Variants in PLXDC2 observed in about 807,000 individuals in gnomAD.
The protein encoded by PLXDC2 is plexin domain containing 2.
Under a neutral mutation model 68.9 loss-of-function variants are expected in PLXDC2, and 40 were observed. The observed-to-expected ratio is 0.58, with a 90% CI of 0.45 to 0.76. The LOEUF (loss-of-function observed/expected upper bound fraction) is 0.76. Among genes scored for constraint, PLXDC2 ranks in the 30% least tolerant of loss-of-function variants. The pLI, the probability that PLXDC2 is intolerant of heterozygous loss-of-function variation, is 0.00. For synonymous variants in PLXDC2, 243 were observed against 234.2 expected, an observed-to-expected ratio of 1.04 and a Z score of -0.34; for missense variants, 644 against 661.9, an observed-to-expected ratio of 0.97 and a Z score of 0.30.
chr10:20,044,293 C>CTTTCTTTCT (rs1412550830), intron 2 of PLXDC2, among the ~76,000 whole-genome samples: 2 of 67,118 alleles, frequency 3.0e-5, no homozygotes, highest in Non-Finnish European at 6.0e-5. Flanking sequence ...TTCTTTCTTT[C>CTTTCTTTCT]TTCTTTCTCT....
intron 1 of PLXDC2, among the ~76,000 whole-genome samples, chr10:19,853,857 C>T (rs552052459): frequency 2.6e-5 from 4 of 152,302 alleles, no homozygotes; most frequent in African/African-American, 9.6e-5. Context: ...TTTCTGGCTT[C>T]TCCCATCTTT....
chr10:19,879,796 G>C (rs1422496793), intron 1 of PLXDC2, among the ~76,000 whole-genome samples: 2 of 152,148 alleles, frequency 1.3e-5, no homozygotes, highest in Non-Finnish European at 2.9e-5. Context: ...GTGTAAGATT[G>C]TGGCTGGTCA....
intron 1 of PLXDC2, among the ~76,000 whole-genome samples, chr10:19,925,293 G>A (rs1833522439): frequency 6.6e-6 from 1 of 152,178 alleles, no homozygotes; most frequent in Non-Finnish European, 1.5e-5. Flanking sequence ...CACTGTAGCA[G>A]CCAAGCAATT....
chr10:20,020,351 A>G (rs1262147520), intron 2 of PLXDC2, among the ~76,000 whole-genome samples: 1 of 151,958 alleles, frequency 6.6e-6, no homozygotes, highest in Non-Finnish European at 1.5e-5. Context: ...ATAGCCGACA[A>G]TACCAGACTC....
intron 1 of PLXDC2, among the ~76,000 whole-genome samples, chr10:19,915,223 G>A (rs1338569946): frequency 2.0e-5 from 3 of 151,986 alleles, no homozygotes; most frequent in Non-Finnish European, 4.4e-5. Flanking sequence ...GCTTTCCTGT[G>A]AGTGATTTGA....
intron 4 of PLXDC2, among the ~76,000 whole-genome samples, chr10:20,081,890 A>T (rs549161521): frequency 2.0e-5 from 3 of 151,788 alleles, no homozygotes; most frequent in South Asian, 2.1e-4. Context: ...AAAAAATTTT[A>T]AAAAATTAGC....
Position 19,836,565 on chromosome 10 carries a change from G to T in PLXDC2, c.112+19374G>T, listed in dbSNP as rs560276323. Among the ~76,000 whole-genome samples the T allele has an allele frequency of 7.2e-5, 11 of 152,222 alleles. No homozygotes were observed. In the South Asian group the frequency reaches 1.7e-3, roughly 23 times the overall value. On this transcript the variant is annotated intron_variant, in intron 1 of 13. Transcript: ENST00000377252. ...TCACTCAAATAGAATCAAGTTTGTT[G>T]GAAAGAGAATCTCATCTTAAGAAGT...
intron 4 of PLXDC2, among the ~76,000 whole-genome samples, chr10:20,076,879 T>A (rs1484938823): frequency 6.6e-6 from 1 of 152,160 alleles, no homozygotes; most frequent in Admixed American, 6.5e-5. Flanking sequence ...ATGATGACAT[T>A]TTGGGACTCT....
At chr10:20,172,976 C>T (rs1834468899) in intron 7 of PLXDC2, among the ~76,000 whole-genome samples, 1 of 152,164 alleles carries the variant, frequency 6.6e-6, no homozygotes, top group African/African-American at 2.4e-5. Context: ...CTGGCAAATG[C>T]ATTTTTTATT....
intron 1 of PLXDC2, among the ~76,000 whole-genome samples, chr10:19,984,999 TTTCTTTC>T (rs1445675718): frequency 1.2e-4 from 19 of 152,258 alleles, no homozygotes; most frequent in Admixed American, 1.3e-4. Flanking sequence ...GCATTTCTGT[TTTCTTTC>T]TTCTGAAATG....
intron 1 of PLXDC2, among the ~76,000 whole-genome samples, chr10:19,927,065 T>A (rs943330178): frequency 2.6e-5 from 4 of 152,222 alleles, no homozygotes; most frequent in African/African-American, 9.6e-5. Flanking sequence ...GGTGTCGTTG[T>A]TGCTGACAAA....
rs561220254 is a variant in PLXDC2, at chr10:20,091,259, C to A, written c.541+23020C>A. On this transcript the variant is annotated intron_variant, in intron 4 of 13. Transcript: ENST00000377252. Reference sequence around the variant, plus strand: ...TTCTCACCACCAGCATACCTTTCCCCCTGTGAACTGTATTTTTATCCACCC... The same window carrying A: ...TTCTCACCACCAGCATACCTTTCCCACTGTGAACTGTATTTTTATCCACCC... Among the ~76,000 whole-genome samples the A allele has an allele frequency of 8.5e-5, 13 of 152,258 alleles. No homozygotes were observed. In the East Asian group the frequency reaches 2.3e-3, roughly 27 times the overall value.
At chr10:20,075,639 G>T (rs1338660434) in intron 4 of PLXDC2, among the ~76,000 whole-genome samples, 1 of 152,170 alleles carries the variant, frequency 6.6e-6, no homozygotes, top group Non-Finnish European at 1.5e-5. Flanking sequence ...GACCCAGAGA[G>T]AAAGCACCCA....
At chr10:19,875,059 C>T (rs1371924679) in intron 1 of PLXDC2, among the ~76,000 whole-genome samples, 1 of 152,160 alleles carries the variant, frequency 6.6e-6, no homozygotes, top group African/African-American at 2.4e-5. Context: ...CTCCTTAAGC[C>T]AATCATATTT....
rs374000510 is a variant in PLXDC2, at chr10:19,960,943, C to T, written c.113-40832C>T. 7.2e-5 allele frequency among the ~76,000 whole-genome samples: 11 copies of T among 152,314 alleles called. No individual in the cohort carries two copies. In the East Asian group the frequency reaches 1.7e-3, roughly 24 times the overall value. Reference sequence around the variant, plus strand: ...TTAAGTGTAGCAGTTGTTTTAGCGCCTCAGGAAGCTGAGCAGCAGTAAGTT... The same window carrying T: ...TTAAGTGTAGCAGTTGTTTTAGCGCTTCAGGAAGCTGAGCAGCAGTAAGTT... On this transcript the variant is annotated intron_variant, in intron 1 of 13. Coordinates refer to ENST00000377252, the MANE Select transcript of PLXDC2 (RefSeq NM_032812.9).
chr10:19,926,806 G>A (rs182782286), intron 1 of PLXDC2, among the ~76,000 whole-genome samples: 25 of 152,258 alleles, frequency 1.6e-4, no homozygotes, highest in Non-Finnish European at 2.8e-4. Context: ...GCAATGAGAT[G>A]GGATAATTAT....
chr10:19,984,125 G>A (rs1203516357), intron 1 of PLXDC2, among the ~76,000 whole-genome samples: 1 of 152,102 alleles, frequency 6.6e-6, no homozygotes, highest in Non-Finnish European at 1.5e-5. Context: ...TTCCTATATG[G>A]GTATAATTCA....
chr10:19,849,153 T>C (rs1034771473), intron 1 of PLXDC2, among the ~76,000 whole-genome samples: 3 of 152,136 alleles, frequency 2.0e-5, no homozygotes, highest in Non-Finnish European at 4.4e-5. Flanking sequence ...TGAAGAATAG[T>C]ATTTTTATTA....
intron 2 of PLXDC2, chr10:20,043,530 G>T (rs537015589): frequency 1.6e-4 from 25 of 152,140 alleles, no homozygotes; most frequent in African/African-American, 5.5e-4. Context: ...TTTTATAAAT[G>T]CTGATTTCAA....
Sources: gnomAD v4.1 joint callset for allele counts (sites outside exome capture counted in the v4.1 genomes callset) on GRCh38, gnomAD v4.1.1 for gene constraint, MANE v1.5 for transcripts, NCBI Gene and HGNC (gene_info 2026-07-23, HGNC 2026-07-21) for gene names.